Variants in DPYSL2 observed in about 807,000 individuals in gnomAD.
DPYSL2 encodes dihydropyrimidinase-related protein 2.
DPYSL2 carries 13 observed loss-of-function variants against 69.9 expected under a neutral mutation model. The ratio of observed to expected loss-of-function variants is 0.19; its 90% CI spans 0.12 to 0.30. The LOEUF (loss-of-function observed/expected upper bound fraction) is 0.30, where lower values mean the gene tolerates loss of function less well. Among genes scored for constraint, DPYSL2 ranks in the 10% least tolerant of loss-of-function variants. The pLI is 1.00. For synonymous variants in DPYSL2, 326 were observed against 359.1 expected (o/e 0.91, Z 1.04); for missense variants, 587 against 918.9 (o/e 0.64, Z 4.67).
chr8:26,644,155 CCATGGGGCT>C lies in DPYSL2; in HGVS notation c.1425+70_1425+78del. 6.4e-7 allele frequency: 1 copy of C among 1,568,682 alleles called. No individual in the cohort carries two copies. Among genetic ancestry groups the C allele is most frequent in the Non-Finnish European group, 8.7e-7 (1 of 1,154,892 alleles). On this transcript the variant is annotated intron_variant, in intron 10 of 13. Coordinates refer to ENST00000521913, the MANE Select transcript of DPYSL2 (RefSeq NM_001197293.3). The surrounding 1 kb of genome is among the most constrained non-coding windows in gnomAD (Gnocchi z 4.5). ...CTTCCTTGTCCTCCTCATCTGGGGG[CCATGGGGCT>C]CATGGAGGCCTTGAAATGACAGACA...
Position 26,516,692 on chromosome 8 carries a change from C to A in DPYSL2, c.354+2013C>A, listed in dbSNP as rs1441593422. 6.6e-6 allele frequency among the ~76,000 whole-genome samples: 1 copy of A among 152,122 alleles called. No homozygotes were observed. Among genetic ancestry groups the A allele is most frequent in the Non-Finnish European group, 1.5e-5 (1 of 68,024 alleles). ...TGCAAGGGAGTTTTAGATTGCAATT[C>A]ACATTGATTTCAGTTGCCCAGTTAT... On this transcript the variant is annotated intron_variant, in intron 1 of 13. Transcript: ENST00000521913. This position sits in a 1 kb window ranked among gnomAD's most constrained non-coding sequence, Gnocchi z 4.8.
At chr8:26,522,896 C>T (rs1329522753) in intron 1 of DPYSL2, among the ~76,000 whole-genome samples, 1 of 152,042 alleles carries the variant, frequency 6.6e-6, no homozygotes, top group Non-Finnish European at 1.5e-5. Context: ...TGGTATTATA[C>T]TATCCCCGGC....
intron 1 of DPYSL2, among the ~76,000 whole-genome samples, chr8:26,524,835 A>AAAGAGAG (rs1563374151): frequency 1.2e-4 from 9 of 74,226 alleles, no homozygotes; most frequent in East Asian, 4.4e-4. Context: ...AAAAAAAAAA[A>AAAGAGAG]AGAGAGAGAA....
intron 3 of DPYSL2, among the ~76,000 whole-genome samples, chr8:26,606,603 G>C (rs1055669619): frequency 6.6e-6 from 1 of 151,974 alleles, no homozygotes; most frequent in Non-Finnish European, 1.5e-5. Flanking sequence ...TTCACAAAAA[G>C]GAAATAATTC....
chr8:26,559,102 C>T (rs573634564), intron 1 of DPYSL2, among the ~76,000 whole-genome samples: 124 of 152,226 alleles, frequency 8.1e-4, no homozygotes, highest in African/African-American at 3.0e-3. Flanking sequence ...GCCACCACGC[C>T]TGGCTAATTT....
chr8:26,657,871 T>C lies in DPYSL2; in HGVS notation c.*2165T>C, dbSNP rs1803428723. On this transcript the variant is annotated 3_prime_UTR_variant, in exon 14 of 14. Transcript: ENST00000521913. ...CTGTTAAATGAATGTCATATGTAAA[T>C]GCTAAAATAAATCGACAGTGTCTCA... The C allele has an allele frequency of 6.6e-6, 1 of 152,604 alleles. No individual in the cohort carries two copies. Among genetic ancestry groups the C allele is most frequent in the Non-Finnish European group, 1.5e-5 (1 of 68,042 alleles). 9.5% of individuals were successfully genotyped at this position (152,604 alleles called of 1,614,324 possible).
intron 1 of DPYSL2, among the ~76,000 whole-genome samples, chr8:26,518,652 C>G (rs1201583623): frequency 6.6e-6 from 1 of 152,184 alleles, no homozygotes; most frequent in East Asian, 1.9e-4. Flanking sequence ...TTTTCTGTCT[C>G]TGCCAGCTTG....
intron 7 of DPYSL2, among the ~76,000 whole-genome samples, chr8:26,634,428 CTTTTTTTTTT>C (rs55746168): frequency 2.2e-5 from 2 of 91,146 alleles, no homozygotes; most frequent in South Asian, 4.4e-4. Flanking sequence ...CCATGCCCAG[CTTTTTTTTTT>C]TTTTTTTTTT....
chr8:26,550,663 TG>T (rs1212502719), intron 1 of DPYSL2, among the ~76,000 whole-genome samples: 8 of 152,300 alleles, frequency 5.3e-5, no homozygotes, highest in African/African-American at 1.9e-4. Flanking sequence ...GACTGATAGA[TG>T]ACAAGTGGCT....
Position 26,653,144 on chromosome 8 carries a change from C to T in DPYSL2, c.1777-88C>T. On this transcript the variant is annotated intron_variant, in intron 12 of 13. Transcript: ENST00000521913. The surrounding 1 kb of genome is among the most constrained non-coding windows in gnomAD (Gnocchi z 5.7). ...AGGAGAGCCCTCCATCCCTAGATCTCACAGGCCCATCCTCCCTCCAGGAGG... is the reference window on the plus strand; with the variant it reads ...AGGAGAGCCCTCCATCCCTAGATCTTACAGGCCCATCCTCCCTCCAGGAGG... 2 of 1,481,062 alleles carry T rather than the reference C, an allele frequency of 1.4e-6. No homozygotes were observed. Among genetic ancestry groups the T allele is most frequent in the Non-Finnish European group, 9.1e-7 (1 of 1,093,684 alleles). The allele number at this position is 1,481,062 out of a possible 1,614,324, so 91.7% of individuals were successfully genotyped here.
At chr8:26,601,346 G>A (rs1046862922) in intron 3 of DPYSL2, among the ~76,000 whole-genome samples, 4 of 152,056 alleles carry the variant, frequency 2.6e-5, no homozygotes, top group Non-Finnish European at 5.9e-5. Flanking sequence ...TGCTGGGTAT[G>A]TTCCTGGGCC....
intron 1 of DPYSL2, among the ~76,000 whole-genome samples, chr8:26,568,254 C>T (rs1801183687): frequency 6.6e-6 from 1 of 152,130 alleles, no homozygotes; most frequent in African/African-American, 2.4e-5. Context: ...GCCCCCAGCC[C>T]AAGCCTAGGT....
intron 3 of DPYSL2, among the ~76,000 whole-genome samples, chr8:26,613,033 T>A (rs1802270032): frequency 6.6e-6 from 1 of 152,252 alleles, no homozygotes; most frequent in African/African-American, 2.4e-5. Context: ...GAGGTTGATA[T>A]TATTGCTATT....
At chr8:26,622,156 T>TCC (rs1802505263) in intron 3 of DPYSL2, among the ~76,000 whole-genome samples, 1 of 41,498 alleles carries the variant, frequency 2.4e-5, no homozygotes, top group African/African-American at 7.5e-5. Flanking sequence ...CTTCCTTCCT[T>TCC]CCCTCTCTCT....
chr8:26,586,707 C>T lies in DPYSL2; in HGVS notation c.628+2724C>T, dbSNP rs1031005296. On this transcript the variant is annotated intron_variant, in intron 3 of 13. Coordinates refer to ENST00000521913, the MANE Select transcript of DPYSL2 (RefSeq NM_001197293.3). This position sits in a 1 kb window ranked among gnomAD's most constrained non-coding sequence, Gnocchi z 4.7. ...GGGACATCCCCCTCTGAGTGCAGCA[C>T]CTGGCCCAGGGAGCTCAGAAGAGTC... 2.0e-5 allele frequency among the ~76,000 whole-genome samples: 3 copies of T among 152,210 alleles called. No homozygotes were observed. Among genetic ancestry groups the T allele is most frequent in the Admixed American group, 6.5e-5 (1 of 15,290 alleles).
In DPYSL2 at chr8:26,645,948, G is replaced by A. The variant is rs181433966; in HGVS notation, c.1426-1682G>A. On this transcript the variant is annotated intron_variant, in intron 10 of 13. Transcript: ENST00000521913. The stretch of plus-strand genomic sequence containing the variant: ...TGGCGTGATCTTGGCTCACTGCAAC[G>A]TCCGCCTCCCGGGTTCACGCAATTC... Among the ~76,000 whole-genome samples the A allele has an allele frequency of 5.3e-5, 8 of 150,404 alleles. No individual in the cohort carries two copies. The East Asian group carries it at 9.9e-4, about 19-fold the overall frequency.
chr8:26,614,263 G>T lies in DPYSL2; in HGVS notation c.629-9880G>T, dbSNP rs1802298797. 6.6e-6 allele frequency among the ~76,000 whole-genome samples: 1 copy of T among 152,218 alleles called. No individual in the cohort carries two copies. The highest frequency in any genetic ancestry group is 2.4e-5 in the African/African-American group (1 of 41,442). Reference sequence around the variant, plus strand: ...GAGCTGGACAGACAGGAAGGGAACAGAACTGGGATGTGGCAGGGACAGGTT... The same window carrying T: ...GAGCTGGACAGACAGGAAGGGAACATAACTGGGATGTGGCAGGGACAGGTT... On this transcript the variant is annotated intron_variant, in intron 3 of 13. Coordinates refer to ENST00000521913, the MANE Select transcript of DPYSL2 (RefSeq NM_001197293.3). This position sits in a 1 kb window ranked among gnomAD's most constrained non-coding sequence, Gnocchi z 4.9.
At chr8:26,550,049 C>G (rs1800847752) in intron 1 of DPYSL2, among the ~76,000 whole-genome samples, 1 of 152,094 alleles carries the variant, frequency 6.6e-6, no homozygotes, top group Non-Finnish European at 1.5e-5. Context: ...ATTGACCCAA[C>G]AGATACCTGT....
chr8:26,522,537 C>A (rs1388102252), intron 1 of DPYSL2, among the ~76,000 whole-genome samples: 1 of 152,210 alleles, frequency 6.6e-6, no homozygotes, highest in Non-Finnish European at 1.5e-5. Flanking sequence ...TTGGTTATAA[C>A]CATCACGTGG....
Sources: allele counts gnomAD v4.1 joint callset (sites outside exome capture counted in the v4.1 genomes callset), GRCh38; gene constraint gnomAD v4.1.1; non-coding constraint Gnocchi (gnomAD v3.1); transcripts MANE v1.5; gene names NCBI Gene and HGNC (gene_info 2026-07-23, HGNC 2026-07-21).